Variants in DNAH11 observed in about 807,000 individuals in gnomAD.
DNAH11 encodes the protein axonemal beta dynein heavy chain 11.
A neutral mutation model predicts 526.0 loss-of-function variants in DNAH11; 442 were observed. The observed-to-expected ratio is 0.84, with a 90% confidence interval of 0.78 to 0.91. The LOEUF is 0.91. DNAH11 is among the 40% of genes least tolerant of loss of function. DNAH11 has a pLI of 0.00. For synonymous variants in DNAH11, 2,461 were observed against 1,935.9 expected (o/e 1.27, Z -7.12); for missense variants, 6,989 against 5,448.7 (o/e 1.28, Z -8.90).
intron 54 of DNAH11, among the ~76,000 whole-genome samples, chr7:21,750,832 T>A (rs1219197820): frequency 6.6e-6 from 1 of 152,140 alleles, no homozygotes; most frequent in African/African-American, 2.4e-5. Flanking sequence ...AACTGCACGG[T>A]ACGGATTTGC....
chr7:21,823,119 T>C (rs1356890598), intron 65 of DNAH11, among the ~76,000 whole-genome samples: 2 of 152,142 alleles, frequency 1.3e-5, no homozygotes, highest in South Asian at 2.1e-4. Context: ...AGAAGTTGTT[T>C]AGCTTGATGT....
intron 54 of DNAH11, among the ~76,000 whole-genome samples, chr7:21,756,038 C>T (rs1215855541): frequency 6.6e-6 from 1 of 151,862 alleles, no homozygotes; most frequent in Non-Finnish European, 1.5e-5. Flanking sequence ...TTTATGATGA[C>T]CTCCTGTTTT....
chr7:21,794,866 T>A (rs1251866935), intron 61 of DNAH11, among the ~76,000 whole-genome samples: 1 of 152,182 alleles, frequency 6.6e-6, no homozygotes, highest in African/African-American at 2.4e-5. Flanking sequence ...TCAGTCTCAC[T>A]TTCTCCAGTG....
chr7:21,717,114 C>T (rs1174416159), intron 42 of DNAH11, among the ~76,000 whole-genome samples: 1 of 152,052 alleles, frequency 6.6e-6, no homozygotes, highest in Non-Finnish European at 1.5e-5. Context: ...GCTACTAAGT[C>T]ATGCTTTGTT....
intron 69 of DNAH11, 98 bp downstream of exon 69, chr7:21,862,121 AC>A: frequency 2.0e-6 from 2 of 1,006,066 alleles, no homozygotes; most frequent in East Asian, 6.2e-5. Context: ...AATATAATAG[AC>A]TTTTTTTTTT....
intron 30 of DNAH11, among the ~76,000 whole-genome samples, chr7:21,671,207 G>C (rs1020696051): frequency 3.3e-5 from 5 of 151,994 alleles, no homozygotes; most frequent in Non-Finnish European, 7.4e-5. Context: ...GTCAGTTTTG[G>C]AAGTTTGTAT....
rs1201750969 is a variant in DNAH11, at chr7:21,813,888, G to A, written c.10333-2579G>A. On this transcript the variant is annotated intron_variant, in intron 63 of 81. Transcript: ENST00000409508. The stretch of plus-strand genomic sequence containing the variant: ...CTTGCTGCAGACTCCAAGAAATTCT[G>A]AAAAGACAAGTTAATTGTAATAAAA... 2.0e-5 allele frequency among the ~76,000 whole-genome samples: 3 copies of A among 152,144 alleles called. No individual in the cohort carries two copies. The East Asian group carries it at 5.8e-4, about 29-fold the overall frequency.
chr7:21,573,182 A>G (rs1193929950), intron 8 of DNAH11, among the ~76,000 whole-genome samples: 1 of 152,160 alleles, frequency 6.6e-6, no homozygotes, highest in Non-Finnish European at 1.5e-5. Flanking sequence ...AAAGGTCCTG[A>G]TTTTACTCCT....
chr7:21,717,293 G>A (rs1263716487), intron 42 of DNAH11, among the ~76,000 whole-genome samples: 1 of 152,020 alleles, frequency 6.6e-6, no homozygotes, highest in African/African-American at 2.4e-5. Context: ...TCAGATTGGA[G>A]TTACATTCAG....
intron 28 of DNAH11, among the ~76,000 whole-genome samples, chr7:21,647,429 T>TTC (rs199535488): frequency 4.9e-4 from 62 of 126,402 alleles, no homozygotes; most frequent in East Asian, 1.8e-3. Flanking sequence ...CTTTCTTTCT[T>TTC]TTTTTTTTTT....
chr7:21,557,096 G>A (rs1365103512), intron 2 of DNAH11, among the ~76,000 whole-genome samples: 1 of 151,886 alleles, frequency 6.6e-6, no homozygotes, highest in Non-Finnish European at 1.5e-5. Flanking sequence ...ACAGTATTTG[G>A]TTTTTCTGTT....
chr7:21,900,165 G>T lies in DNAH11; in HGVS notation c.13303+45G>T, dbSNP rs777158315. ...AAGTGGGGAACCTTTTCTTACTCAG[G>T]TTCAGATCAGTGTTTGTCCTCTGCT... On this transcript the variant is annotated intron_variant, in intron 81 of 81. Transcript: ENST00000409508. 1.9e-6 allele frequency: 3 copies of T among 1,567,646 alleles called. No homozygotes were observed. In the South Asian group the frequency reaches 3.6e-5, roughly 19 times the overall value.
In DNAH11 at chr7:21,543,150, G is replaced by C. The variant is rs1583467472; in HGVS notation, c.-96G>C. ...TGCGCTCGCGGCGACCGCGGAGGAG[G>C]GTGGGCGCCTGCGGAGGTGTCCTCG... is the stretch of plus-strand genomic sequence containing the variant. On this transcript the variant is annotated 5_prime_UTR_variant, in exon 1 of 82. Transcript: ENST00000409508. The C allele has an allele frequency of 2.1e-6, 3 of 1,437,250 alleles. No homozygotes were observed. In the East Asian group the frequency reaches 7.6e-5, roughly 36 times the overall value. The allele number at this position is 1,437,250 out of a possible 1,614,324, so 89.0% of individuals were successfully genotyped here.
intron 2 of DNAH11, among the ~76,000 whole-genome samples, chr7:21,553,668 C>T (rs1783107053): frequency 6.6e-6 from 1 of 152,160 alleles, no homozygotes; most frequent in Admixed American, 6.6e-5. Context: ...CTTGTAACAT[C>T]CCCTCATAGT....
At chr7:21,657,023 A>G (rs1215750036) in intron 29 of DNAH11, among the ~76,000 whole-genome samples, 2 of 152,168 alleles carry the variant, frequency 1.3e-5, no homozygotes, top group Non-Finnish European at 2.9e-5. Flanking sequence ...CAATTGATGG[A>G]TGTGGTTGTC....
chr7:21,613,219 T>C (rs932134833), intron 20 of DNAH11, among the ~76,000 whole-genome samples: 5 of 152,228 alleles, frequency 3.3e-5, no homozygotes, highest in Non-Finnish European at 7.3e-5. Flanking sequence ...TGAAATGTGA[T>C]ATATGTAGTA....
chr7:21,804,025 C>T (rs147004875), intron 62 of DNAH11, among the ~76,000 whole-genome samples: 1,766 of 152,300 alleles, frequency 0.012, 31 homozygotes, highest in African/African-American at 0.04. Context: ...TAGCAAGAAA[C>T]GAGGGGGTAC....
chr7:21,639,002 C>T lies in DNAH11; in HGVS notation c.4881C>T (p.Arg1627=). Residue 1627 remains arginine, a synonymous_variant, in exon 28 of 82, where the codon CGC becomes CGT. Coordinates refer to ENST00000409508, the MANE Select transcript of DNAH11 (RefSeq NM_001277115.2). The part of the protein sequence containing the change: ...YLETKRIAFP[R]FYFVSSADLL... Reference sequence around the variant, plus strand: ...AAACCAAGCGCATAGCCTTTCCTCGCTTCTATTTCGTCTCTTCTGCTGATT... The same window carrying T: ...AAACCAAGCGCATAGCCTTTCCTCGTTTCTATTTCGTCTCTTCTGCTGATT... The T allele has an allele frequency of 6.2e-7, 1 of 1,613,706 alleles. No individual in the cohort carries two copies. Among genetic ancestry groups the T allele is most frequent in the Non-Finnish European group, 8.5e-7 (1 of 1,179,714 alleles).
intron 14 of DNAH11, among the ~76,000 whole-genome samples, chr7:21,595,387 G>T (rs796600717): frequency 6.6e-6 from 1 of 152,214 alleles, no homozygotes; most frequent in East Asian, 1.9e-4. Flanking sequence ...GCACAGGCAC[G>T]TAACAGATGA....
Sources: allele counts gnomAD v4.1 joint callset (sites outside exome capture counted in the v4.1 genomes callset), GRCh38; gene constraint gnomAD v4.1.1; transcripts MANE v1.5; gene names NCBI Gene and HGNC (gene_info 2026-07-23, HGNC 2026-07-21).